Variants in ZBED6 observed in about 807,000 individuals in gnomAD.
ZBED6 encodes the protein zinc finger BED domain-containing protein 6.
A neutral mutation model predicts 58.4 loss-of-function variants in ZBED6; 40 were observed. That is an observed-to-expected ratio of 0.68 (90% CI 0.53 to 0.89). The LOEUF (loss-of-function observed/expected upper bound fraction) is 0.89. Among genes scored for constraint, ZBED6 ranks in the 40% least tolerant of loss-of-function variants. The pLI is 0.00. For missense variants in ZBED6, 1,057 were observed against 1,003.9 expected (o/e 1.05, Z -0.71); for synonymous variants, 439 against 350.6 (o/e 1.25, Z -2.82).
chr1:203,799,973 T>C, exon 1 of ZBED6: 1 of 1,536,166 alleles, frequency 6.5e-7, no homozygotes, highest in Non-Finnish European at 8.7e-7. Context: ...CTTCAGAAGC[T>C]TCTTGTCCCT....
chr1:203,820,511 G>A (rs1053481832), intron 3 of ZBED6, among the ~76,000 whole-genome samples: 3 of 127,998 alleles, frequency 2.3e-5, no homozygotes, highest in Admixed American at 7.5e-5. Flanking sequence ...AGAGTCTCGC[G>A]CTGTTACCCA....
At chr1:203,819,529 ATTTTTTTTTT>A (rs755259647) in intron 3 of ZBED6, among the ~76,000 whole-genome samples, 1 of 72,890 alleles carries the variant, frequency 1.4e-5, no homozygotes, top group African/African-American at 5.8e-5. Context: ...GCTGACTCCA[ATTTTTTTTTT>A]TTTTTTTTTT....
In ZBED6 at chr1:203,840,390, G is replaced by A. The variant is rs1039597313; in HGVS notation, c.*3741+16G>A. On this transcript the variant is annotated intron_variant, in intron 11 of 16. Transcript: ENST00000550078. ...GATGCAACAGGTAAGTAAATCCTAA[G>A]ACCAGATTCTGATTATTTTTTTCTT... 5 of 1,604,898 alleles carry A rather than the reference G, an allele frequency of 3.1e-6. No individual in the cohort carries two copies. Among genetic ancestry groups the A allele is most frequent in the East Asian group, 2.2e-5 (1 of 44,620 alleles).
chr1:203,853,755 A>G (rs764986245), exon 17 of ZBED6: 9 of 152,794 alleles, frequency 5.9e-5, no homozygotes, highest in Non-Finnish European at 1.3e-4. Flanking sequence ...AGGACTGCCC[A>G]TTCAGTCTTG....
At chr1:203,821,039 C>T (rs1392561020) in intron 3 of ZBED6, among the ~76,000 whole-genome samples, 2 of 152,138 alleles carry the variant, frequency 1.3e-5, no homozygotes, top group Non-Finnish European at 2.9e-5. Context: ...TGTATCCTCA[C>T]CTGAATCTCA....
intron 9 of ZBED6, among the ~76,000 whole-genome samples, chr1:203,837,458 T>G (rs972111226): frequency 2.0e-5 from 3 of 151,828 alleles, no homozygotes; most frequent in Non-Finnish European, 4.4e-5. Flanking sequence ...GTCTCTCTTT[T>G]TTTTTTTTTC....
intron 1 of ZBED6, among the ~76,000 whole-genome samples, chr1:203,815,468 C>T (rs1427515202): frequency 4.6e-5 from 7 of 150,976 alleles, no homozygotes; most frequent in Admixed American, 4.6e-4. Flanking sequence ...ATCTGCCCAC[C>T]TTGGCCTCCC....
intron 3 of ZBED6, among the ~76,000 whole-genome samples, chr1:203,825,428 A>ATTTTTTTTTTT (rs59157538): frequency 1.2e-5 from 1 of 81,624 alleles, no homozygotes; most frequent in Non-Finnish European, 2.3e-5. Flanking sequence ...ACTGTGGAGG[A>ATTTTTTTTTTT]TTTTTTTTTT....
At chr1:203,850,713 T>A (rs1689049166) in intron 15 of ZBED6, 32 bp downstream of exon 15, 2 of 1,601,234 alleles carry the variant, frequency 1.2e-6, no homozygotes, top group East Asian at 4.5e-5. Context: ...TGGTGCTTTA[T>A]TCTGTGTGGT....
intron 1 of ZBED6, among the ~76,000 whole-genome samples, chr1:203,810,635 G>T (rs1291525236): frequency 6.6e-6 from 1 of 151,878 alleles, no homozygotes; most frequent in African/African-American, 2.4e-5. Flanking sequence ...CAGCCAGGAT[G>T]GTCTCGATCT....
intron 3 of ZBED6, among the ~76,000 whole-genome samples, chr1:203,822,671 A>G (rs1269357766): frequency 1.3e-5 from 2 of 152,132 alleles, no homozygotes; most frequent in African/African-American, 4.8e-5. Flanking sequence ...GCACAGAGAC[A>G]TTGCTAACCC....
intron 9 of ZBED6, among the ~76,000 whole-genome samples, chr1:203,837,731 A>T (rs1684825749): frequency 6.6e-6 from 1 of 150,776 alleles, no homozygotes; most frequent in Admixed American, 6.6e-5. Flanking sequence ...TCCTGCCTTG[A>T]CCTCCCAAAG....
At chr1:203,850,276 AT>A (rs1688952707) in intron 14 of ZBED6, 5 of 666,554 alleles carry the variant, frequency 7.5e-6, no homozygotes, top group African/African-American at 1.8e-5. Context: ...CTGGTATTGA[AT>A]AAAAACAAGG....
chr1:203,799,757 A>G, exon 1 of ZBED6: 1 of 870,268 alleles, frequency 1.1e-6, no homozygotes, highest in Non-Finnish European at 1.9e-6. Flanking sequence ...TGGATAGTTT[A>G]TCTCTGAAAC....
At chr1:203,799,922 T>C (rs1327801656) in exon 1 of ZBED6, 1 of 1,536,050 alleles carries the variant, frequency 6.5e-7, no homozygotes, top group Non-Finnish European at 8.7e-7. Flanking sequence ...AAGAGGTCTG[T>C]AATTATATGG....
intron 3 of ZBED6, 55 bp from the exon 4 acceptor site, chr1:203,828,244 A>G (rs1199313281): frequency 1.2e-5 from 19 of 1,605,320 alleles, no homozygotes; most frequent in Non-Finnish European, 1.5e-5. Context: ...AAACTGCCAC[A>G]TGAATATACG....
chr1:203,807,364 C>G (rs1418639479), intron 1 of ZBED6, among the ~76,000 whole-genome samples: 1 of 152,176 alleles, frequency 6.6e-6, no homozygotes, highest in African/African-American at 2.4e-5. Flanking sequence ...TAGCTCAGTG[C>G]AACCTCAAAC....
chr1:203,796,039 G>A, exon 1 of ZBED6: 1 of 16,880 alleles, frequency 5.9e-5, no homozygotes, highest in Admixed American at 4.7e-4. Context: ...CCCCCACCCC[G>A]TTCACCCCAC....
intron 9 of ZBED6, among the ~76,000 whole-genome samples, chr1:203,837,479 G>A (rs930635614): frequency 3.3e-5 from 5 of 150,082 alleles, no homozygotes; most frequent in African/African-American, 1.2e-4. Context: ...TTGAGAATGG[G>A]GCCTTGCTGT....
Sources: gnomAD v4.1 joint callset for allele counts (sites outside exome capture counted in the v4.1 genomes callset) on GRCh38, gnomAD v4.1.1 for gene constraint, MANE v1.5 for transcripts, NCBI Gene and HGNC (gene_info 2026-07-23, HGNC 2026-07-21) for gene names.